RAP1GAP2: variants seen among roughly 807,000 people sequenced by gnomAD.
The protein encoded by RAP1GAP2 is RAP1 GTPase activating protein 2, also known as rap1 GTPase-activating protein 2.
In RAP1GAP2, 27 loss-of-function variants were observed where a neutral mutation model predicts 95.0. The ratio of observed to expected loss-of-function variants is 0.28; its 90% CI spans 0.21 to 0.39. RAP1GAP2 has a LOEUF of 0.39. RAP1GAP2 is among the 10% of genes least tolerant of loss of function. The pLI, the probability that RAP1GAP2 is intolerant of heterozygous loss-of-function variation, is 1.00. For missense variants in RAP1GAP2, 771 were observed against 970.0 expected (o/e 0.79, Z 2.72); for synonymous variants, 373 against 380.9 (o/e 0.98, Z 0.24).
intron 18 of RAP1GAP2, among the ~76,000 whole-genome samples, chr17:3,020,040 A>G (rs755993897): frequency 2.0e-5 from 3 of 152,188 alleles, no homozygotes; most frequent in African/African-American, 4.8e-5. Context: ...GGAATGAAGG[A>G]GAGTCAGGAG....
At chr17:2,935,046 A>G (rs890559320) in intron 3 of RAP1GAP2, among the ~76,000 whole-genome samples, 1 of 152,100 alleles carries the variant, frequency 6.6e-6, no homozygotes, top group African/African-American at 2.4e-5. Flanking sequence ...TAGACAATAC[A>G]CCCAAGCCCT....
intron 3 of RAP1GAP2, among the ~76,000 whole-genome samples, chr17:2,924,786 T>C (rs1567784135): frequency 6.6e-6 from 1 of 152,292 alleles, no homozygotes; most frequent in East Asian, 1.9e-4. Flanking sequence ...CAATCCTATT[T>C]CGTCTTGGAG....
At chr17:2,915,395 T>A (rs1249247942) in intron 3 of RAP1GAP2, among the ~76,000 whole-genome samples, 1 of 151,884 alleles carries the variant, frequency 6.6e-6, no homozygotes, top group Non-Finnish European at 1.5e-5. Flanking sequence ...CACGCCTGAC[T>A]AATTTTTGAA....
Position 2,759,952 on chromosome 17 carries a change from C to T in RAP1GAP2, c.50+4185C>T, listed in dbSNP as rs74894769. ...TGCATATTGAAAAAGATATTGCCAA[C>T]CTGACCTCCAAAGAAGTTGTACCGT... On this transcript the variant is annotated intron_variant, in intron 1 of 25. Coordinates refer to the RAP1GAP2 transcript ENST00000637138. 5.1e-3 allele frequency among the ~76,000 whole-genome samples: 773 copies of T among 152,204 alleles called. 9 individuals carry two copies. Among genetic ancestry groups the T allele is most frequent in the African/African-American group, 0.018 (734 of 41,538 alleles).
rs138442917 is a variant in RAP1GAP2 at position 3,029,566 on chromosome 17, A to G, written c.2108-1356A>G. 2.0e-5 allele frequency among the ~76,000 whole-genome samples: 3 copies of G among 152,234 alleles called. No individual in the cohort carries two copies. In the East Asian group the frequency reaches 5.8e-4, roughly 29 times the overall value. ...TCTCCATAATGTCAGATATCTGATC[A>G]TGGTCATTTCCTACCTGGGCTTCCT... On this transcript the variant is annotated intron_variant, in intron 22 of 24. Transcript: ENST00000254695. This position sits in a 1 kb window ranked among gnomAD's most constrained non-coding sequence, Gnocchi z 4.4.
chr17:2,775,123 C>G (rs1041978835), upstream of RAP1GAP2, among the ~76,000 whole-genome samples: 1 of 151,652 alleles, frequency 6.6e-6, no homozygotes, highest in Non-Finnish European at 1.5e-5. Context: ...TGAGGCACCG[C>G]GCCCGGCCAG....
At chr17:2,837,760 C>T (rs2071201223) in intron 2 of RAP1GAP2, among the ~76,000 whole-genome samples, 1 of 151,764 alleles carries the variant, frequency 6.6e-6, no homozygotes, top group Non-Finnish European at 1.5e-5. Context: ...GTGCCTGCCA[C>T]CATGTCCGGC....
chr17:2,792,069 A>T (rs2068939773), upstream of RAP1GAP2, among the ~76,000 whole-genome samples: 1 of 148,392 alleles, frequency 6.7e-6, no homozygotes, highest in Non-Finnish European at 1.5e-5. Context: ...CATGTTGGCC[A>T]GGCTGGTCTT....
At position 2,963,513 on chromosome 17, in the gene RAP1GAP2, C is replaced by T. The variant is rs368491177; in HGVS notation, c.279+51C>T. 6.0e-5 allele frequency: 97 copies of T among 1,609,920 alleles called. No homozygotes were observed. In the African/African-American group the frequency reaches 9.7e-4, roughly 16 times the overall value. On this transcript the variant is annotated intron_variant, in intron 6 of 24. Coordinates refer to ENST00000254695, the MANE Select transcript of RAP1GAP2 (RefSeq NM_015085.5). The surrounding 1 kb of genome is among the most constrained non-coding windows in gnomAD (Gnocchi z 4.8). ...CTGCCCTGCAGCCTGCTCTGGGTCC[C>T]GTCCCTGGGGAAATGATGGCGATGG...
rs112812742 is a variant in RAP1GAP2 at position 2,827,857 on chromosome 17, C to T, written c.80+27307C>T. On this transcript the variant is annotated intron_variant, in intron 2 of 24. Transcript: ENST00000254695. This position sits in a 1 kb window ranked among gnomAD's most constrained non-coding sequence, Gnocchi z 4.1. Reference sequence around the variant, plus strand: ...AAAAACAAGGGGGAGGGTTCATACACGATCGGTTGCAGCAGGCACGCCAGT... The same window carrying T: ...AAAAACAAGGGGGAGGGTTCATACATGATCGGTTGCAGCAGGCACGCCAGT... 2.0e-5 allele frequency among the ~76,000 whole-genome samples: 3 copies of T among 151,742 alleles called. No homozygotes were observed. The highest frequency in any genetic ancestry group is 4.4e-5 in the Non-Finnish European group (3 of 67,984).
chr17:3,009,938 A>T (rs2046463106), intron 17 of RAP1GAP2, among the ~76,000 whole-genome samples: 1 of 152,132 alleles, frequency 6.6e-6, no homozygotes, highest in Non-Finnish European at 1.5e-5. Context: ...GGGGGGCACC[A>T]CATTAAGCCT....
intron 2 of RAP1GAP2, among the ~76,000 whole-genome samples, chr17:2,876,716 T>C (rs1483622631): frequency 1.3e-5 from 2 of 152,038 alleles, no homozygotes; most frequent in Admixed American, 6.6e-5. Flanking sequence ...TTGATGCTGG[T>C]CAGCTGGGGC....
At chr17:2,838,254 G>C (rs1157910022) in intron 2 of RAP1GAP2, among the ~76,000 whole-genome samples, 1 of 151,742 alleles carries the variant, frequency 6.6e-6, no homozygotes. Context: ...TCCTGATCTT[G>C]TGATCCGCCC....
At chr17:2,947,059 A>C (rs537197511) in intron 3 of RAP1GAP2, among the ~76,000 whole-genome samples, 2 of 152,272 alleles carry the variant, frequency 1.3e-5, no homozygotes, top group Admixed American at 1.3e-4. Context: ...CCGGCCGGAA[A>C]CTGTGTTTTA....
In RAP1GAP2 at chr17:2,904,796, C is replaced by A. The variant is rs1324427303; in HGVS notation, c.81-488C>A. On this transcript the variant is annotated intron_variant, in intron 2 of 24. Coordinates refer to ENST00000254695, the MANE Select transcript of RAP1GAP2 (RefSeq NM_015085.5). This position sits in a 1 kb window ranked among gnomAD's most constrained non-coding sequence, Gnocchi z 4.7. ...CGAGTTCCCAGGTGCCGCTGGTGGT[C>A]CAGGGACCATACTTAGAGTAGCACT... 6.6e-6 allele frequency among the ~76,000 whole-genome samples: 1 copy of A among 152,020 alleles called. No homozygotes were observed. The highest frequency in any genetic ancestry group is 2.4e-5 in the African/African-American group (1 of 41,372).
At chr17:2,895,139 C>G (rs551732311) in intron 2 of RAP1GAP2, among the ~76,000 whole-genome samples, 2 of 152,328 alleles carry the variant, frequency 1.3e-5, no homozygotes, top group South Asian at 4.1e-4. Context: ...TCAGAAGGCA[C>G]CTTTACGTCA....
chr17:2,801,648 T>TGTGA (rs1359858387), intron 2 of RAP1GAP2, among the ~76,000 whole-genome samples: 30 of 138,298 alleles, frequency 2.2e-4, no homozygotes, highest in East Asian at 6.7e-4. Flanking sequence ...TGTGTGTGTG[T>TGTGA]GATGTCAGCT....
intron 2 of RAP1GAP2, among the ~76,000 whole-genome samples, chr17:2,889,889 A>ATATTTTTTT (rs1408426152): frequency 0.012 from 681 of 57,072 alleles, 18 homozygotes; most frequent in South Asian, 0.032. Flanking sequence ...ATATATATAT[A>ATATTTTTTT]TTTTTTTTTT....
Position 3,020,464 on chromosome 17 carries a change from A to G in RAP1GAP2, c.1633-13A>G, listed in dbSNP as rs2046921678. On this transcript the variant is annotated splice_polypyrimidine_tract_variant and intron_variant, in intron 18 of 24. Transcript: ENST00000254695. ...TGGGCCGGGAGCACTCATTTTGGCA[A>G]TTTCATCGACAGCCTCCAGTGGTGG... 11 of 1,611,112 alleles carry G rather than the reference A, an allele frequency of 6.8e-6. No homozygotes were observed. Among genetic ancestry groups the G allele is most frequent in the Middle Eastern group, 1.6e-4 (1 of 6,076 alleles).
Sources: allele counts gnomAD v4.1 joint callset (sites outside exome capture counted in the v4.1 genomes callset), GRCh38; gene constraint gnomAD v4.1.1; non-coding constraint Gnocchi (gnomAD v3.1); transcripts MANE v1.5; gene names NCBI Gene and HGNC (gene_info 2026-07-23, HGNC 2026-07-21).